Variants in CEP112 observed in about 807,000 individuals in gnomAD.
The protein encoded by CEP112 is centrosomal protein 112.
A neutral mutation model predicts 153.0 loss-of-function variants in CEP112; 127 were observed. The observed-to-expected ratio is 0.83, with a 90% CI of 0.72 to 0.96. CEP112 has a LOEUF of 0.96. CEP112 is among the 40% of genes least tolerant of loss of function. The pLI is 0.00. For synonymous variants in CEP112, 358 were observed against 374.4 expected (o/e 0.96, Z 0.51); for missense variants, 1,089 against 1,101.2 (o/e 0.99, Z 0.16).
intron 4 of CEP112, among the ~76,000 whole-genome samples, chr17:66,167,837 T>C (rs1490835036): frequency 6.6e-6 from 1 of 152,158 alleles, no homozygotes. Context: ...CACTGGACTA[T>C]AGAGAGGATT....
intron 21 of CEP112, among the ~76,000 whole-genome samples, chr17:65,764,379 A>G (rs181937896): frequency 1.9e-3 from 292 of 151,224 alleles, no homozygotes; most frequent in African/African-American, 6.6e-3. Context: ...CTGTATTGCT[A>G]TCTATTTCTC....
chr17:66,121,986 C>T (rs2069620005), intron 6 of CEP112, among the ~76,000 whole-genome samples: 1 of 152,048 alleles, frequency 6.6e-6, no homozygotes, highest in Non-Finnish European at 1.5e-5. Flanking sequence ...CCTCCACTTC[C>T]CAGGTTCAAG....
intron 17 of CEP112, among the ~76,000 whole-genome samples, chr17:65,988,391 C>T (rs2063479324): frequency 6.6e-6 from 1 of 152,128 alleles, no homozygotes; most frequent in Non-Finnish European, 1.5e-5. Flanking sequence ...GAAACAACAG[C>T]AAACAACGAA....
In CEP112 at chr17:66,034,976, G is replaced by GTGTGTGTGTGTGTGTGTGTGTATATA. The variant is rs1255011364; in HGVS notation, c.1219-4954_1219-4953insTATATACACACACACACACACACACA. On this transcript the variant is annotated intron_variant, in intron 12 of 26. Transcript: ENST00000535342. ...ACCATGCCCAGCTAAGTTTTTGCAT[G>GTGTGTGTGTGTGTGTGTGTGTATATA]TATATATATATATATACATATATAT... 1.0e-3 allele frequency among the ~76,000 whole-genome samples: 14 copies of GTGTGTGTGTGTGTGTGTGTGTATATA among 13,426 alleles called. 1 individual carries two copies. In the South Asian group the frequency reaches 0.017, roughly 16 times the overall value. 8.8% of individuals were successfully genotyped at this position (13,426 alleles called of 152,430 possible). A position where few individuals can be genotyped will look rare whatever the true frequency, so the allele number is the denominator to read the frequency against.
intron 12 of CEP112, among the ~76,000 whole-genome samples, chr17:66,042,653 A>G (rs1280376880): frequency 6.6e-6 from 1 of 152,192 alleles, no homozygotes; most frequent in Non-Finnish European, 1.5e-5. Context: ...AAAAGAAACA[A>G]CATTAGGTAA....
chr17:65,690,268 A>C (rs967201626), intron 23 of CEP112, among the ~76,000 whole-genome samples: 3 of 151,894 alleles, frequency 2.0e-5, no homozygotes, highest in East Asian at 1.9e-4. Context: ...ACAATTTTTT[A>C]AAATTTAATT....
intron 16 of CEP112, among the ~76,000 whole-genome samples, chr17:66,006,996 T>G (rs2064303955): frequency 1.3e-5 from 2 of 152,180 alleles, no homozygotes; most frequent in African/African-American, 4.8e-5. Context: ...AGTTAGCTAT[T>G]TATATCAGTT....
intron 21 of CEP112, among the ~76,000 whole-genome samples, chr17:65,841,372 T>C (rs942140896): frequency 2.6e-5 from 4 of 152,038 alleles, no homozygotes; most frequent in Non-Finnish European, 2.9e-5. Flanking sequence ...TTAGATGTCA[T>C]TATGTTAAGT....
chr17:66,060,478 G>C (rs188521353), intron 11 of CEP112, among the ~76,000 whole-genome samples: 259 of 152,186 alleles, frequency 1.7e-3, no homozygotes, highest in African/African-American at 5.9e-3. Flanking sequence ...CAAAGGTGGA[G>C]GCATCACAGT....
chr17:65,870,094 G>GAAAGAAAAGAAAGAAAC (rs1490459702), intron 20 of CEP112, among the ~76,000 whole-genome samples: 21 of 125,370 alleles, frequency 1.7e-4, no homozygotes, highest in Non-Finnish European at 3.6e-4. Context: ...AAGAAAGAAA[G>GAAAGAAAAGAAAGAAAC]AGAAAATACA....
chr17:65,924,191 T>C (rs376381942), intron 19 of CEP112, among the ~76,000 whole-genome samples: 2 of 152,110 alleles, frequency 1.3e-5, no homozygotes, highest in African/African-American at 2.4e-5. Flanking sequence ...TTAGCCAGGA[T>C]GGTCTCGATC....
chr17:65,821,313 T>C (rs899463414), intron 21 of CEP112, among the ~76,000 whole-genome samples: 2 of 150,634 alleles, frequency 1.3e-5, no homozygotes, highest in African/African-American at 4.9e-5. Flanking sequence ...ATACTATGTG[T>C]ATATATATAC....
At chr17:65,721,009 C>CTTTTTT (rs57507655) in intron 23 of CEP112, among the ~76,000 whole-genome samples, 3 of 125,742 alleles carry the variant, frequency 2.4e-5, no homozygotes, top group African/African-American at 2.9e-5. Context: ...CTCTCTCTCT[C>CTTTTTT]TTTTTTTTTT....
At chr17:66,069,226 A>C (rs1209437502) in intron 9 of CEP112, among the ~76,000 whole-genome samples, 1 of 152,136 alleles carries the variant, frequency 6.6e-6, no homozygotes. Context: ...TTAAATGCAA[A>C]GTTTCCATTT....
chr17:66,005,557 G>A, intron 17 of CEP112, 133 bp downstream of exon 17: 1 of 1,094,976 alleles, frequency 9.1e-7, no homozygotes, highest in Non-Finnish European at 1.2e-6. Flanking sequence ...AGAGATTTGT[G>A]ATGGGAAACT....
intron 10 of CEP112, 97 bp downstream of exon 10, chr17:66,066,681 T>A (rs2067132504): frequency 3.8e-6 from 3 of 797,822 alleles, no homozygotes; most frequent in Non-Finnish European, 5.5e-6. Context: ...CATTCCTATC[T>A]CATACTATAA....
chr17:65,926,434 C>T (rs977961660), intron 19 of CEP112, among the ~76,000 whole-genome samples: 72 of 152,248 alleles, frequency 4.7e-4, no homozygotes, highest in African/African-American at 1.2e-3. Flanking sequence ...CTCTTCAGGC[C>T]GGGTGTGGTG....
intron 15 of CEP112, 138 bp from the exon 16 acceptor site, chr17:66,027,698 A>C (rs1369552846): frequency 1.7e-5 from 10 of 595,504 alleles, no homozygotes; most frequent in Non-Finnish European, 2.5e-5. Context: ...AGTAAGCCCT[A>C]CAGGTAGAAA....
rs73346813 is a variant in CEP112 at position 65,909,183 on chromosome 17, C to A, written c.1981-6849G>T. ...AAACATAAATCATAGAAGGATGTAC[C>A]ACAACACATTGAAAAGGGGAAATGA... On this transcript the variant is annotated intron_variant, in intron 19 of 26. Transcript: ENST00000535342. 7.2e-3 allele frequency among the ~76,000 whole-genome samples: 1,094 copies of A among 152,238 alleles called. 14 individuals carry two copies. The highest frequency in any genetic ancestry group is 0.025 in the African/African-American group (1,035 of 41,546).
Sources: allele counts gnomAD v4.1 joint callset (sites outside exome capture counted in the v4.1 genomes callset), GRCh38; gene constraint gnomAD v4.1.1; transcripts MANE v1.5; gene names NCBI Gene and HGNC (gene_info 2026-07-23, HGNC 2026-07-21).